Variants in CAMSAP1 observed in about 807,000 individuals in gnomAD.
CAMSAP1 encodes the protein calmodulin-regulated spectrin-associated protein 1.
Under a neutral mutation model 143.5 loss-of-function variants are expected in CAMSAP1, and 58 were observed. The ratio of observed to expected loss-of-function variants is 0.40; its 90% confidence interval spans 0.33 to 0.50. CAMSAP1 has a LOEUF of 0.50. Among genes scored for constraint, CAMSAP1 ranks in the 20% least tolerant of loss-of-function variants. The probability of loss-of-function intolerance (pLI) is 0.45; values close to 1 mark genes in which losing one functional copy is unlikely to be tolerated. For missense variants in CAMSAP1, 1,969 were observed against 2,115.7 expected (o/e 0.93, Z 1.36); for synonymous variants, 945 against 859.3 (o/e 1.10, Z -1.74).
chr9:135,852,351 T>A (rs1320232328), intron 5 of CAMSAP1, among the ~76,000 whole-genome samples: 1 of 152,250 alleles, frequency 6.6e-6, no homozygotes, highest in Non-Finnish European at 1.5e-5. Context: ...CATTTTGATA[T>A]GGTTACATTT....
intron 5 of CAMSAP1, 41 bp from the exon 6 acceptor site, chr9:135,850,502 T>A: frequency 1.4e-5 from 21 of 1,495,456 alleles, no homozygotes; most frequent in Non-Finnish European, 1.7e-5. Flanking sequence ...TGTAAAGGTA[T>A]TCTGCTTCGA....
chr9:135,848,873 G>A (rs576578933), intron 7 of CAMSAP1, among the ~76,000 whole-genome samples: 82 of 152,330 alleles, frequency 5.4e-4, no homozygotes, highest in African/African-American at 1.9e-3. Context: ...CAAAGGGCAG[G>A]CAACCCACAG....
chr9:135,818,863 G>C lies in CAMSAP1; in HGVS notation c.3959+147C>G. On this transcript the variant is annotated intron_variant, in intron 12 of 16. Transcript: ENST00000389532. This position sits in a 1 kb window ranked among gnomAD's most constrained non-coding sequence, Gnocchi z 7.7. ...CTGAAGATCAGCAGGGGCCGTGAAA[G>C]TTCGGGGAGGTGGTCCATGGGAGGA... 1.5e-6 allele frequency: 2 copies of C among 1,335,108 alleles called. No homozygotes were observed. The highest frequency in any genetic ancestry group is 2.0e-6 in the Non-Finnish European group (2 of 989,214). The allele number at this position is 1,335,108 out of a possible 1,614,324, so 82.7% of individuals were successfully genotyped here.
At chr9:135,905,522 G>A (rs1359692429) in intron 1 of CAMSAP1, among the ~76,000 whole-genome samples, 1 of 152,148 alleles carries the variant, frequency 6.6e-6, no homozygotes, top group African/African-American at 2.4e-5. Flanking sequence ...CAGCACCTAC[G>A]GGAGCCCAGC....
chr9:135,827,673 A>C, intron 7 of CAMSAP1, 89 bp from the exon 8 acceptor site: 12 of 1,256,854 alleles, frequency 9.5e-6, no homozygotes, highest in Non-Finnish European at 1.1e-5. Flanking sequence ...GCACTAACTC[A>C]ACCTTTTATT....
At chr9:135,851,159 G>C (rs1836769141) in intron 5 of CAMSAP1, among the ~76,000 whole-genome samples, 1 of 152,212 alleles carries the variant, frequency 6.6e-6, no homozygotes, top group African/African-American at 2.4e-5. Context: ...CTCAGACAAA[G>C]AGCCCTGCGG....
chr9:135,818,889 G>C lies in CAMSAP1; in HGVS notation c.3959+121C>G. 6.9e-7 allele frequency: 1 copy of C among 1,441,248 alleles called. No homozygotes were observed. 89.3% of individuals were successfully genotyped at this position (1,441,248 alleles called of 1,614,324 possible). A position where few individuals can be genotyped will look rare whatever the true frequency, so the allele number is the denominator to read the frequency against. ...TTCGGGGAGGTGGTCCATGGGAGGA[G>C]TAAGACCGTCACAGGCACTCATTGC... On this transcript the variant is annotated intron_variant, in intron 12 of 16. Coordinates refer to ENST00000389532, the MANE Select transcript of CAMSAP1 (RefSeq NM_015447.4). This position sits in a 1 kb window ranked among gnomAD's most constrained non-coding sequence, Gnocchi z 7.7.
chr9:135,825,673 G>C (rs749456087), intron 8 of CAMSAP1, among the ~76,000 whole-genome samples: 24 of 152,204 alleles, frequency 1.6e-4, no homozygotes, highest in Non-Finnish European at 2.2e-4. Flanking sequence ...CGAGAAACAA[G>C]CGCGCTCACA....
chr9:135,835,597 G>C (rs1376780747), intron 7 of CAMSAP1, among the ~76,000 whole-genome samples: 2 of 152,354 alleles, frequency 1.3e-5, no homozygotes, highest in East Asian at 3.9e-4. Flanking sequence ...ACCAAGAAAG[G>C]ATGACTGGTT....
In CAMSAP1 at chr9:135,818,460, C is replaced by T; in HGVS notation, c.4116G>A (p.Ser1372=). 6.2e-7 allele frequency: 1 copy of T among 1,602,974 alleles called. No individual in the cohort carries two copies. The highest frequency in any genetic ancestry group is 8.5e-7 in the Non-Finnish European group (1 of 1,177,808). ...CGCTGCACGACTCTTCCCGGTGCAC[C>T]GACTTCGGCCGCGGCTTCTTCGGCT... ...KSKPKKPRPK[S]VHREESCSDS... The change falls in exon 13 of 17, where the codon TCG becomes TCA. Residue 1372 remains serine, a synonymous_variant. Transcript: ENST00000389532. This position sits in a 1 kb window ranked among gnomAD's most constrained non-coding sequence, Gnocchi z 7.7.
intron 7 of CAMSAP1, among the ~76,000 whole-genome samples, chr9:135,845,030 T>C (rs1335364045): frequency 6.6e-6 from 1 of 152,074 alleles, no homozygotes. Context: ...GAGGCCAGCA[T>C]CATCGTGATA....
At chr9:135,865,868 G>A (rs1837360361) in intron 4 of CAMSAP1, among the ~76,000 whole-genome samples, 1 of 152,230 alleles carries the variant, frequency 6.6e-6, no homozygotes, top group Non-Finnish European at 1.5e-5. Context: ...TCAAAGGCGA[G>A]ACCTTATAGA....
rs532733980 is a variant in CAMSAP1 at position 135,862,375 on chromosome 9, T to C, written c.808+92A>G. On this transcript the variant is annotated intron_variant, in intron 5 of 16. Transcript: ENST00000389532. ...ATTAAGGATTCCATTTTCTTTCTCTTTTTTTTTTTTAATATATATGTGGAT... is the reference window on the plus strand; with the variant it reads ...ATTAAGGATTCCATTTTCTTTCTCTCTTTTTTTTTTAATATATATGTGGAT... The C allele has an allele frequency of 9.9e-3, 11,423 of 1,152,062 alleles. 52 individuals carry two copies. The highest frequency in any genetic ancestry group is 0.011 in the Non-Finnish European group (9,527 of 878,284). 71.4% of individuals were successfully genotyped at this position (1,152,062 alleles called of 1,614,324 possible).
chr9:135,894,042 C>G (rs35275413), intron 1 of CAMSAP1, among the ~76,000 whole-genome samples: 3,022 of 152,238 alleles, frequency 0.02, 105 homozygotes, highest in African/African-American at 0.068. Flanking sequence ...CTTCCTGACT[C>G]CCTGCCTAGC....
intron 1 of CAMSAP1, 106 bp from the exon 2 acceptor site, chr9:135,883,184 C>A (rs1838014956): frequency 1.6e-6 from 2 of 1,241,336 alleles, no homozygotes; most frequent in Non-Finnish European, 2.2e-6. Flanking sequence ...CCAGCCTGGG[C>A]AACACAGGGA....
intron 1 of CAMSAP1, among the ~76,000 whole-genome samples, chr9:135,886,414 T>G (rs767673811): frequency 2.6e-5 from 4 of 152,006 alleles, no homozygotes; most frequent in Non-Finnish European, 4.4e-5. Context: ...AGAAGTTTCT[T>G]AGGGAAGGAA....
In CAMSAP1 at chr9:135,866,484, T is replaced by A; in HGVS notation, c.638A>T (p.Gln213Leu). The A allele has an allele frequency of 6.8e-7, 1 of 1,478,554 alleles. No individual in the cohort carries two copies. Among genetic ancestry groups the A allele is most frequent in the African/African-American group, 1.4e-5 (1 of 71,604 alleles). The allele number at this position is 1,478,554 out of a possible 1,614,324, so 91.6% of individuals were successfully genotyped here. A position where few individuals can be genotyped will look rare whatever the true frequency, so the allele number is the denominator to read the frequency against. ...ITEKEVKLKQ[Q>L]LLESPAHQKV... ...TTGATGAGCTGGACTTTCCAATAACTGTTGTTTTAATTTAACTTCTTTCTC... is the reference window on the plus strand; with the variant it reads ...TTGATGAGCTGGACTTTCCAATAACAGTTGTTTTAATTTAACTTCTTTCTC... Residue 213 changes from glutamine (Q) to leucine (L), a missense_variant, in exon 4 of 17, where the codon CAG becomes CTG. Physicochemically the swap from Gln to Leu is moderately radical, Grantham distance 113. Coordinates refer to ENST00000389532, the MANE Select transcript of CAMSAP1 (RefSeq NM_015447.4).
rs557683350 is a variant in CAMSAP1, at chr9:135,884,003, C to T, written c.161-925G>A. Among the ~76,000 whole-genome samples the T allele has an allele frequency of 2.4e-4, 37 of 152,330 alleles. No individual in the cohort carries two copies. The South Asian group carries it at 7.5e-3, about 31-fold the overall frequency. The stretch of plus-strand genomic sequence containing the variant: ...ACTTTTCTAGCCTTGCCACTATGCC[C>T]CTCACACTGTCTCACAAGACATCAA... On this transcript the variant is annotated intron_variant, in intron 1 of 16. Coordinates refer to ENST00000389532, the MANE Select transcript of CAMSAP1 (RefSeq NM_015447.4).
rs149276740 is a variant in CAMSAP1, at chr9:135,834,279, A to G, written c.1046-6695T>C. ...AAAAAACTGAAAACAGAATTACCATATGATCCAGCAATCCCTCTTCTGGGT... is the reference window on the plus strand; with the variant it reads ...AAAAAACTGAAAACAGAATTACCATGTGATCCAGCAATCCCTCTTCTGGGT... On this transcript the variant is annotated intron_variant, in intron 7 of 16. Transcript: ENST00000389532. Among the ~76,000 whole-genome samples, 1,288 of 152,348 alleles carry G rather than the reference A, an allele frequency of 8.5e-3. 25 individuals are homozygous for G. The highest frequency in any genetic ancestry group is 0.03 in the African/African-American group (1,227 of 41,578).
Sources: gnomAD v4.1 joint callset for allele counts (sites outside exome capture counted in the v4.1 genomes callset) on GRCh38, gnomAD v4.1.1 for gene constraint, Gnocchi (gnomAD v3.1) non-coding constraint, MANE v1.5 for transcripts, NCBI Gene and HGNC (gene_info 2026-07-23, HGNC 2026-07-21) for gene names.